The following ARHGEF6 variants were observed in gnomAD, a reference collection of about 807,000 sequenced individuals.
ARHGEF6 encodes the protein Rac/Cdc42 guanine nucleotide exchange factor 6.
In ARHGEF6, 9 loss-of-function variants were observed where a neutral mutation model predicts 70.3. The observed-to-expected ratio is 0.13, with a 90% CI of 0.08 to 0.22. ARHGEF6 has a LOEUF of 0.22. ARHGEF6 is among the 10% of genes least tolerant of loss of function. The probability of loss-of-function intolerance (pLI) is 1.00; values close to 1 mark genes in which losing one functional copy is unlikely to be tolerated. For synonymous variants in ARHGEF6, 201 were observed against 207.8 expected, an observed-to-expected ratio of 0.97 and a Z score of 0.28; for missense variants, 470 against 563.0, an observed-to-expected ratio of 0.83 and a Z score of 1.67.
At chrX:136,778,833 A>C (rs974427803) in intron 2 of ARHGEF6, among the ~76,000 whole-genome samples, 25 of 112,088 alleles carry the variant, frequency 2.2e-4, no homozygotes, top group African/African-American at 6.5e-4. Context: ...TCCGTTTTAC[A>C]GATAAAAATA....
chrX:136,776,279 G>A (rs772731579), intron 2 of ARHGEF6, among the ~76,000 whole-genome samples: 3 of 111,739 alleles, frequency 2.7e-5, no homozygotes, highest in Admixed American at 1.9e-4. Context: ...CACATTACCC[G>A]ACTTCAAACT....
intron 2 of ARHGEF6, among the ~76,000 whole-genome samples, chrX:136,751,179 T>C (rs925583383): frequency 1.8e-5 from 2 of 111,759 alleles, no homozygotes; most frequent in Non-Finnish European, 3.8e-5. Context: ...CTTTTTATTC[T>C]AGATATCCCC....
chrX:136,739,246 C>A (rs1182166663), intron 5 of ARHGEF6, among the ~76,000 whole-genome samples: 1 of 111,903 alleles, frequency 8.9e-6, no homozygotes, highest in Non-Finnish European at 1.9e-5. Flanking sequence ...AGACCCAATT[C>A]AAGTGCTTCC....
chrX:136,743,095 C>G (rs191564072), intron 5 of ARHGEF6, among the ~76,000 whole-genome samples: 2 of 112,235 alleles, frequency 1.8e-5, no homozygotes, highest in East Asian at 5.6e-4. Flanking sequence ...GAGTTAAGGG[C>G]AATCTTGTTC....
intron 2 of ARHGEF6, chrX:136,774,169 T>C (rs2077383953): frequency 9.0e-6 from 1 of 111,654 alleles, no homozygotes; most frequent in South Asian, 3.7e-4. Context: ...GAAGAATATT[T>C]TAAGCATTGG....
intron 2 of ARHGEF6, among the ~76,000 whole-genome samples, chrX:136,760,765 AT>A (rs1260087324): frequency 9.8e-5 from 11 of 111,961 alleles, no homozygotes; most frequent in African/African-American, 3.2e-4. Context: ...TTTGGCAATC[AT>A]CACCAAAAAT....
At chrX:136,777,422 T>G (rs867536689) in intron 2 of ARHGEF6, among the ~76,000 whole-genome samples, 1 of 103,344 alleles carries the variant, frequency 9.7e-6, no homozygotes, top group Non-Finnish European at 2.0e-5. Flanking sequence ...TGGCCACAAT[T>G]AAAAAAAAAA....
intron 5 of ARHGEF6, among the ~76,000 whole-genome samples, chrX:136,734,891 A>G (rs2076970484): frequency 8.9e-6 from 1 of 112,330 alleles, no homozygotes; most frequent in African/African-American, 3.2e-5. Context: ...ACATGATAAT[A>G]TTAACCGATG....
rs1457424888 is a variant in ARHGEF6, at chrX:136,686,607, TATATATATATATATACAC to T, written c.1246-802_1246-785del. 1.8e-3 allele frequency among the ~76,000 whole-genome samples: 138 copies of T among 76,903 alleles called. 2 individuals are homozygous for T. Among genetic ancestry groups the T allele is most frequent in the African/African-American group, 7.9e-3 (125 of 15,764 alleles). 66.8% of individuals were successfully genotyped at this position (76,903 alleles called of 115,157 possible). On this transcript the variant is annotated intron_variant, in intron 11 of 21. Coordinates refer to ENST00000250617, the MANE Select transcript of ARHGEF6 (RefSeq NM_004840.3). ...GTGTATGTGTGTGTATATATATATA[TATATATATATATATACAC>T]ATATATATATATATATACACACATA...
chrX:136,694,831 A>C (rs763110348), intron 9 of ARHGEF6, among the ~76,000 whole-genome samples: 2 of 111,975 alleles, frequency 1.8e-5, no homozygotes, highest in East Asian at 5.6e-4. Context: ...CCATTCAAAT[A>C]TATGCAAATA....
intron 6 of ARHGEF6, among the ~76,000 whole-genome samples, chrX:136,720,563 T>C (rs2076785810): frequency 9.0e-6 from 1 of 111,518 alleles, no homozygotes; most frequent in South Asian, 3.7e-4. Flanking sequence ...TCATACTTAA[T>C]GGTAAGAAGC....
intron 14 of ARHGEF6, among the ~76,000 whole-genome samples, chrX:136,681,240 C>A (rs898310951): frequency 2.7e-5 from 3 of 111,808 alleles, no homozygotes; most frequent in African/African-American, 9.8e-5. Context: ...AAAGTTGGAA[C>A]AAGATCCAAC....
chrX:136,685,205 CCCT>C (rs774767466), intron 12 of ARHGEF6, among the ~76,000 whole-genome samples: 5 of 111,312 alleles, frequency 4.5e-5, no homozygotes, highest in Non-Finnish European at 9.4e-5. Flanking sequence ...TTTTTGTGCC[CCCT>C]CCTCAAGTCC....
chrX:136,745,164 G>C, intron 4 of ARHGEF6, 59 bp downstream of exon 4: 1 of 1,191,296 alleles, frequency 8.4e-7, no homozygotes, highest in Non-Finnish European at 1.1e-6. Context: ...GATGCAACTA[G>C]GATATCAATC....
At chrX:136,707,062 A>C in intron 8 of ARHGEF6, 32 bp from the exon 9 acceptor site, 1 of 1,206,219 alleles carries the variant, frequency 8.3e-7, no homozygotes, top group Non-Finnish European at 1.1e-6. Flanking sequence ...CACAGAATGT[A>C]AAATAGGAAA....
intron 2 of ARHGEF6, chrX:136,767,715 G>A: frequency 1.3e-6 from 1 of 754,678 alleles, no homozygotes; most frequent in South Asian, 6.7e-5. Flanking sequence ...GTCCCCTCCT[G>A]CCCGCAGCCG....
intron 16 of ARHGEF6, 47 bp downstream of exon 16, chrX:136,679,488 G>A (rs374950341): frequency 6.7e-6 from 8 of 1,190,233 alleles, no homozygotes; most frequent in East Asian, 5.9e-5. Context: ...AATAAGCTAC[G>A]AAATTAACTT....
At chrX:136,706,550 T>A (rs1335554261) in intron 9 of ARHGEF6, among the ~76,000 whole-genome samples, 1 of 111,959 alleles carries the variant, frequency 8.9e-6, no homozygotes, top group Non-Finnish European at 1.9e-5. Context: ...TAAGTTGATA[T>A]CATGTTAATG....
chrX:136,718,857 T>C (rs766821093), intron 6 of ARHGEF6, among the ~76,000 whole-genome samples: 3 of 110,051 alleles, frequency 2.7e-5, no homozygotes, highest in Non-Finnish European at 5.7e-5. Context: ...TTTAATATTA[T>C]GCATTTCAGT....
Sources: gnomAD v4.1 joint callset for allele counts (sites outside exome capture counted in the v4.1 genomes callset) on GRCh38, gnomAD v4.1.1 for gene constraint, MANE v1.5 for transcripts, NCBI Gene and HGNC (gene_info 2026-07-23, HGNC 2026-07-21) for gene names.